The following BCAT1 variants were observed in gnomAD, a reference collection of about 807,000 sequenced individuals.
BCAT1 encodes the protein branched chain amino acid transaminase 1.
Under a neutral mutation model 52.4 loss-of-function variants are expected in BCAT1, and 48 were observed. The ratio of observed to expected loss-of-function variants is 0.92; its 90% CI spans 0.73 to 1.16. The LOEUF is 1.16. Ranked by LOEUF, BCAT1 falls within the 50% of genes most tolerant of loss-of-function variation. The probability of loss-of-function intolerance (pLI) is 0.00; values close to 1 mark genes in which losing one functional copy is unlikely to be tolerated. For missense variants in BCAT1, 451 were observed against 457.1 expected (o/e 0.99, Z 0.12); for synonymous variants, 167 against 161.3 (o/e 1.04, Z -0.27).
intron 1 of BCAT1, among the ~76,000 whole-genome samples, chr12:24,910,222 G>T (rs1434792574): frequency 6.6e-6 from 1 of 151,692 alleles, no homozygotes; most frequent in African/African-American, 2.4e-5. Flanking sequence ...AAAAATAAAG[G>T]AAAAATTAGC....
intron 7 of BCAT1, among the ~76,000 whole-genome samples, chr12:24,840,435 G>C (rs1268685081): frequency 6.6e-6 from 1 of 152,132 alleles, no homozygotes; most frequent in African/African-American, 2.4e-5. Flanking sequence ...TCCAAGTGTA[G>C]CTTTTGTTAT....
chr12:24,940,181 A>G (rs1943827279), intron 1 of BCAT1, among the ~76,000 whole-genome samples: 1 of 152,256 alleles, frequency 6.6e-6, no homozygotes, highest in Non-Finnish European at 1.5e-5. Flanking sequence ...TTGATAAGTC[A>G]TTTCACATGT....
chr12:24,928,395 T>C (rs1428826760), intron 1 of BCAT1, among the ~76,000 whole-genome samples: 1 of 151,956 alleles, frequency 6.6e-6, no homozygotes, highest in Non-Finnish European at 1.5e-5. Flanking sequence ...TCCAGGCACT[T>C]TGGGAGGCTG....
chr12:24,911,352 C>T (rs1038700859), intron 1 of BCAT1, among the ~76,000 whole-genome samples: 1 of 152,130 alleles, frequency 6.6e-6, no homozygotes, highest in African/African-American at 2.4e-5. Context: ...CAAATCACAA[C>T]CCTCTGGAAG....
At chr12:24,853,027 G>T (rs1323015001) in intron 5 of BCAT1, among the ~76,000 whole-genome samples, 5 of 152,150 alleles carry the variant, frequency 3.3e-5, no homozygotes, top group Non-Finnish European at 7.4e-5. Context: ...CTATGCTTAG[G>T]AGTCATTATT....
chr12:24,862,328 A>C (rs866948606), intron 5 of BCAT1, among the ~76,000 whole-genome samples: 1 of 152,152 alleles, frequency 6.6e-6, no homozygotes. Flanking sequence ...TCTTCTCTAA[A>C]AGTTAAACAG....
intron 10 of BCAT1, among the ~76,000 whole-genome samples, chr12:24,827,405 C>T (rs1940449152): frequency 6.6e-6 from 1 of 152,142 alleles, no homozygotes; most frequent in Admixed American, 6.5e-5. Flanking sequence ...TTATTTCTTC[C>T]AATATTAAGA....
At chr12:24,834,407 A>G (rs1940831657) in intron 8 of BCAT1, 1 of 985,218 alleles carries the variant, frequency 1.0e-6, no homozygotes, top group African/African-American at 1.7e-5. Context: ...GAAATGGGAA[A>G]AAGATCCTTT....
In BCAT1 at chr12:24,816,394, T is replaced by G. The variant is rs1016729507; in HGVS notation, c.*1614A>C. 6 of 396,830 alleles carry G rather than the reference T, an allele frequency of 1.5e-5. No homozygotes were observed. Among genetic ancestry groups the G allele is most frequent in the Non-Finnish European group, 2.2e-5 (5 of 225,318 alleles). 24.6% of individuals were successfully genotyped at this position (396,830 alleles called of 1,614,324 possible). On this transcript the variant is annotated 3_prime_UTR_variant, in exon 11 of 11. Coordinates refer to ENST00000261192, the MANE Select transcript of BCAT1 (RefSeq NM_005504.7). ...GAGTTGACCTTCCAAGGAAAAATGT[T>G]TTCTGTCAAGATTTGACTTTCCTTA... is the stretch of plus-strand genomic sequence containing the variant.
intron 5 of BCAT1, among the ~76,000 whole-genome samples, chr12:24,853,399 T>C (rs557957291): frequency 6.6e-6 from 1 of 152,250 alleles, no homozygotes; most frequent in Non-Finnish European, 1.5e-5. Flanking sequence ...AGCTAAGCAT[T>C]AGGTACATAT....
intron 1 of BCAT1, chr12:24,902,893 C>T (rs554170690): frequency 2.6e-5 from 40 of 1,515,444 alleles, no homozygotes; most frequent in Middle Eastern, 3.4e-4. Context: ...CGCGAGCTAC[C>T]GAGACCCGGG....
At chr12:24,867,187 C>G (rs1018586955) in intron 5 of BCAT1, among the ~76,000 whole-genome samples, 10 of 152,092 alleles carry the variant, frequency 6.6e-5, no homozygotes, top group Non-Finnish European at 1.3e-4. Flanking sequence ...CCGAACACAT[C>G]TGAACATCAG....
chr12:24,860,298 G>A (rs1941818671), intron 5 of BCAT1, among the ~76,000 whole-genome samples: 1 of 152,198 alleles, frequency 6.6e-6, no homozygotes, highest in South Asian at 2.1e-4. Context: ...GGAATTAACA[G>A]CATGGACTAA....
intron 5 of BCAT1, among the ~76,000 whole-genome samples, chr12:24,860,054 A>G (rs1941811780): frequency 1.3e-5 from 2 of 152,224 alleles, no homozygotes; most frequent in Non-Finnish European, 2.9e-5. Context: ...AGAAGTAACC[A>G]AAATTTCTAG....
rs1202721398 is a variant in BCAT1 at position 24,910,772 on chromosome 12, G to GT, written c.7-8888dup. Among the ~76,000 whole-genome samples, 3 of 152,032 alleles carry GT rather than the reference G, an allele frequency of 2.0e-5. No homozygotes were observed. The East Asian group carries it at 5.8e-4, about 30-fold the overall frequency. On this transcript the variant is annotated intron_variant, in intron 1 of 10. Transcript: ENST00000261192. Reference sequence around the variant, plus strand: ...TGTCAGTTCCGATGAAATCATTGTTGTTTTTTTAATCTCATGATATGGTTA... The same window carrying GT: ...TGTCAGTTCCGATGAAATCATTGTTGTTTTTTTTAATCTCATGATATGGTTA...
intron 6 of BCAT1, among the ~76,000 whole-genome samples, chr12:24,845,692 T>C (rs1941324013): frequency 6.6e-6 from 1 of 152,152 alleles, no homozygotes; most frequent in South Asian, 2.1e-4. Context: ...AAAAAATAAA[T>C]AATAACAATA....
At chr12:24,944,402 C>T (rs947203969) in intron 1 of BCAT1, among the ~76,000 whole-genome samples, 2 of 152,180 alleles carry the variant, frequency 1.3e-5, no homozygotes, top group Non-Finnish European at 2.9e-5. Flanking sequence ...TGTGCAAATC[C>T]ACCCTTGGCC....
intron 1 of BCAT1, among the ~76,000 whole-genome samples, chr12:24,940,136 T>C (rs756006275): frequency 3.3e-5 from 5 of 152,230 alleles, no homozygotes; most frequent in Non-Finnish European, 1.5e-5. Flanking sequence ...TTCCACTCTT[T>C]GTAATCACAA....
chr12:24,944,341 A>G (rs1415338583), intron 1 of BCAT1, among the ~76,000 whole-genome samples: 1 of 152,216 alleles, frequency 6.6e-6, no homozygotes, highest in Non-Finnish European at 1.5e-5. Flanking sequence ...ACTTGGCAAA[A>G]TCACCCTTTT....
Sources: allele counts gnomAD v4.1 joint callset (sites outside exome capture counted in the v4.1 genomes callset), GRCh38; gene constraint gnomAD v4.1.1; transcripts MANE v1.5; gene names NCBI Gene and HGNC (gene_info 2026-07-23, HGNC 2026-07-21).